The following SLC39A11 variants were observed in gnomAD, a reference collection of about 807,000 sequenced individuals.
SLC39A11 encodes the protein zinc transporter ZIP11.
Under a neutral mutation model 36.1 loss-of-function variants are expected in SLC39A11, and 33 were observed. The observed-to-expected ratio is 0.91, with a 90% confidence interval of 0.69 to 1.22. The LOEUF is 1.22. Among genes scored for constraint, SLC39A11 ranks in the 50% most tolerant of loss-of-function variants. SLC39A11 has a pLI of 0.00. For missense variants in SLC39A11, 432 were observed against 430.3 expected (o/e 1.00, Z -0.03); for synonymous variants, 166 against 170.3 (o/e 0.97, Z 0.20).
intron 2 of SLC39A11, among the ~76,000 whole-genome samples, chr17:73,087,150 CACCATTCT>C (rs2060760981): frequency 6.6e-6 from 1 of 152,178 alleles, no homozygotes; most frequent in South Asian, 2.1e-4. Flanking sequence ...CCCTGGCAAT[CACCATTCT>C]ACAATGTGTC....
chr17:72,665,389 G>GGTTTTTTTTTTTTTT (rs1447098443), intron 7 of SLC39A11, among the ~76,000 whole-genome samples: 1 of 76,636 alleles, frequency 1.3e-5, no homozygotes, highest in Non-Finnish European at 2.4e-5. Context: ...GTTTTGAGGT[G>GGTTTTTTTTTTTTTT]TTTTTTTTTT....
At chr17:73,084,495 G>C (rs993486482) in intron 3 of SLC39A11, among the ~76,000 whole-genome samples, 19 of 150,960 alleles carry the variant, frequency 1.3e-4, no homozygotes, top group Non-Finnish European at 4.4e-5. Context: ...AAGGGAGAAG[G>C]GGAGGAAAAA....
chr17:72,729,011 AAC>A (rs1342814897), intron 7 of SLC39A11, among the ~76,000 whole-genome samples: 2 of 152,064 alleles, frequency 1.3e-5, no homozygotes, highest in Non-Finnish European at 2.9e-5. Flanking sequence ...TTGCTGCTAA[AAC>A]ACACAGCAGT....
intron 3 of SLC39A11, among the ~76,000 whole-genome samples, chr17:73,054,402 C>T (rs1354866489): frequency 6.6e-6 from 1 of 151,724 alleles, no homozygotes; most frequent in Non-Finnish European, 1.5e-5. Context: ...AATGCACACG[C>T]CACATTTATT....
At chr17:72,981,578 A>G (rs1195129097) in intron 4 of SLC39A11, among the ~76,000 whole-genome samples, 1 of 137,936 alleles carries the variant, frequency 7.2e-6, no homozygotes, top group Non-Finnish European at 1.5e-5. Flanking sequence ...TTCTGGATGA[A>G]TTAAATATTT....
At chr17:72,942,049 T>C (rs542554329) in intron 5 of SLC39A11, among the ~76,000 whole-genome samples, 2 of 131,474 alleles carry the variant, frequency 1.5e-5, no homozygotes, top group African/African-American at 5.3e-5. Context: ...CCTGGCTAAT[T>C]TTTGTATTAT....
In SLC39A11 at chr17:72,756,989, GA is replaced by G. The variant is rs34241516; in HGVS notation, c.602-20271del. On this transcript the variant is annotated intron_variant, in intron 6 of 9. Coordinates refer to ENST00000255559, the MANE Select transcript of SLC39A11 (RefSeq NM_139177.4). The stretch of plus-strand genomic sequence containing the variant: ...ATGGTGAAACCCAGTCTCTGCTAGG[GA>G]AAAAAAAAAAAAAACCAACACAAAA... Among the ~76,000 whole-genome samples, 426 of 131,172 alleles carry G rather than the reference GA, an allele frequency of 3.2e-3. 3 individuals are homozygous for G. Among genetic ancestry groups the G allele is most frequent in the South Asian group, 0.013 (51 of 4,076 alleles). 86.1% of individuals were successfully genotyped at this position (131,172 alleles called of 152,430 possible).
intron 3 of SLC39A11, among the ~76,000 whole-genome samples, chr17:73,082,396 T>C (rs1342152207): frequency 6.6e-6 from 1 of 152,156 alleles, no homozygotes; most frequent in Non-Finnish European, 1.5e-5. Flanking sequence ...TTCAATTCAT[T>C]CATCTATATG....
chr17:72,903,975 G>A (rs1289565800), intron 5 of SLC39A11, among the ~76,000 whole-genome samples: 2 of 152,186 alleles, frequency 1.3e-5, no homozygotes, highest in East Asian at 3.8e-4. Context: ...TGCTGAAGAC[G>A]GGAACAGATG....
intron 5 of SLC39A11, among the ~76,000 whole-genome samples, chr17:72,850,504 G>A (rs1247438224): frequency 1.3e-5 from 2 of 151,588 alleles, no homozygotes; most frequent in African/African-American, 4.8e-5. Flanking sequence ...AGTGCCCAAT[G>A]CATAGGTACC....
chr17:72,955,678 C>T (rs1960971375), intron 4 of SLC39A11, among the ~76,000 whole-genome samples: 1 of 151,964 alleles, frequency 6.6e-6, no homozygotes, highest in Non-Finnish European at 1.5e-5. Flanking sequence ...CGCGGCCCTA[C>T]TGTCAGGGCC....
At chr17:72,791,989 G>A (rs915537943) in intron 6 of SLC39A11, among the ~76,000 whole-genome samples, 5 of 152,180 alleles carry the variant, frequency 3.3e-5, no homozygotes, top group African/African-American at 4.8e-5. Context: ...AACACATGTA[G>A]TATGATAACT....
chr17:72,790,206 G>C (rs2076650877), intron 6 of SLC39A11, among the ~76,000 whole-genome samples: 1 of 152,182 alleles, frequency 6.6e-6, no homozygotes, highest in African/African-American at 2.4e-5. Context: ...GTCCTCAGGA[G>C]AGCACACTGG....
At chr17:72,914,804 G>T (rs1377127469) in intron 5 of SLC39A11, among the ~76,000 whole-genome samples, 1 of 151,506 alleles carries the variant, frequency 6.6e-6, no homozygotes, top group Admixed American at 6.6e-5. Flanking sequence ...GGAGGCGGAG[G>T]TTGCAGTGAG....
intron 7 of SLC39A11, among the ~76,000 whole-genome samples, chr17:72,686,074 T>C (rs2071735614): frequency 6.6e-6 from 1 of 152,070 alleles, no homozygotes; most frequent in Non-Finnish European, 1.5e-5. Flanking sequence ...TCTTGACCCT[T>C]GACCTCCATC....
At chr17:73,009,354 CAAAAAAAAA>C (rs56818175) in intron 4 of SLC39A11, among the ~76,000 whole-genome samples, 1 of 92,616 alleles carries the variant, frequency 1.1e-5, no homozygotes, top group South Asian at 3.6e-4. Context: ...GACTCCATCT[CAAAAAAAAA>C]AAAAAAAAAA....
At chr17:72,894,354 C>T in intron 5 of SLC39A11, among the ~76,000 whole-genome samples, 1 of 95,298 alleles carries the variant, frequency 1.0e-5, no homozygotes, top group African/African-American at 4.8e-5. Context: ...GAGTGAGACT[C>T]TGTCTCAAAA....
chr17:72,755,183 G>T (rs2075323574), intron 6 of SLC39A11, among the ~76,000 whole-genome samples: 1 of 152,232 alleles, frequency 6.6e-6, no homozygotes, highest in Non-Finnish European at 1.5e-5. Context: ...TCAAACAGCT[G>T]CTGGGATCAC....
rs577370180 is a variant in SLC39A11 at position 72,891,039 on chromosome 17, G to T, written c.431-41235C>A. ...AAATGCAAATAGCTCTCACGTACCT[G>T]TATTTTCCAAAGCTTTGTTGAAAAC... On this transcript the variant is annotated intron_variant, in intron 5 of 9. Coordinates refer to ENST00000255559, the MANE Select transcript of SLC39A11 (RefSeq NM_139177.4). Among the ~76,000 whole-genome samples the T allele has an allele frequency of 2.7e-4, 38 of 141,620 alleles. No homozygotes were observed. The South Asian group carries it at 7.8e-3, about 29-fold the overall frequency. 92.9% of individuals were successfully genotyped at this position (141,620 alleles called of 152,430 possible).
Sources: allele counts gnomAD v4.1 joint callset (sites outside exome capture counted in the v4.1 genomes callset), GRCh38; gene constraint gnomAD v4.1.1; transcripts MANE v1.5; gene names NCBI Gene and HGNC (gene_info 2026-07-23, HGNC 2026-07-21).